Variants in CHD6 observed in about 807,000 individuals in gnomAD.
The protein encoded by CHD6 is ATP-dependent chromatin remodeler CHD6.
CHD6 carries 50 observed loss-of-function variants against 276.9 expected under a neutral mutation model. The ratio of observed to expected loss-of-function variants is 0.18; its 90% CI spans 0.14 to 0.23. CHD6 has a LOEUF of 0.23. CHD6 is among the 10% of genes least tolerant of loss of function. The pLI is 1.00. For missense variants in CHD6, 2,564 were observed against 3,365.8 expected (o/e 0.76, Z 5.89); for synonymous variants, 1,173 against 1,229.3 (o/e 0.95, Z 0.96).
In CHD6 at chr20:41,491,849, T is replaced by TA. The variant is rs922072190; in HGVS notation, c.1315-31dup. ...GGAGGAAAGCAAACAGCATAATAGA[T>TA]AGAGAATGATGTTTTAGGAGCATAA... On this transcript the variant is annotated intron_variant, in intron 10 of 36. Transcript: ENST00000373233. 3.7e-6 allele frequency: 6 copies of TA among 1,612,004 alleles called. No homozygotes were observed. The African/African-American group carries it at 6.7e-5, about 18-fold the overall frequency.
At chr20:41,564,258 C>T (rs895421000) in intron 1 of CHD6, 1 of 577,188 alleles carries the variant, frequency 1.7e-6, no homozygotes, top group Non-Finnish European at 3.1e-6. Flanking sequence ...ATTTTCTCTT[C>T]CCGTTTTCCA....
chr20:41,492,812 TCAGGAGTCCAAGG>T (rs1256258867), intron 10 of CHD6, among the ~76,000 whole-genome samples: 1 of 152,216 alleles, frequency 6.6e-6, no homozygotes, highest in Non-Finnish European at 1.5e-5. Flanking sequence ...TCCTAGCTAC[TCAGGAGTCCAAGG>T]CAGGAGAATT....
intron 1 of CHD6, among the ~76,000 whole-genome samples, chr20:41,559,939 A>T (rs2045284123): frequency 6.6e-6 from 1 of 152,068 alleles, no homozygotes; most frequent in South Asian, 2.1e-4. Flanking sequence ...ATCAGAGGTT[A>T]ATGTCCTGCA....
intron 25 of CHD6, among the ~76,000 whole-genome samples, chr20:41,444,284 C>G (rs1400407269): frequency 6.6e-6 from 1 of 152,162 alleles, no homozygotes. Context: ...AACAGAGGAG[C>G]CACTAGCTAC....
Position 41,445,666 on chromosome 20 carries a change from A to G in CHD6, c.3876T>C (p.His1292=). ...DKSLLIGVFK[H]GYERYNAMRA... ...GAACGCCTTCAGAGAAATACACACC[A>G]TGCTTGAACACGCCAATGAGAAGTG... The change falls in exon 25 of 37, where the codon CAT becomes CAC. Residue 1292 remains histidine, a splice_region_variant and synonymous_variant. Transcript: ENST00000373233. 2.5e-6 allele frequency: 4 copies of G among 1,608,328 alleles called. No homozygotes were observed. Among genetic ancestry groups the G allele is most frequent in the East Asian group, 2.2e-5 (1 of 44,824 alleles).
chr20:41,537,750 C>T (rs2044863699), intron 2 of CHD6, among the ~76,000 whole-genome samples: 1 of 152,068 alleles, frequency 6.6e-6, no homozygotes, highest in African/African-American at 2.4e-5. Context: ...GGCAAGGATA[C>T]AGAGGAATTG....
At chr20:41,550,893 C>G (rs2045135765) in intron 2 of CHD6, among the ~76,000 whole-genome samples, 2 of 152,132 alleles carry the variant, frequency 1.3e-5, no homozygotes, top group Non-Finnish European at 2.9e-5. Flanking sequence ...CTAGGGGGAA[C>G]CCATCCACAG....
chr20:41,416,602 C>A lies in CHD6; in HGVS notation c.6472G>T (p.Ala2158Ser). 6.2e-7 allele frequency: 1 copy of A among 1,611,730 alleles called. No individual in the cohort carries two copies. Residue 2158 changes from alanine to serine, a missense_variant, in exon 33 of 37, where the codon GCC (alanine) becomes TCC (serine). Transcript: ENST00000373233. ...TGCCGGCTCACCTTGTGGATCTGGG[C>A]CGCCAATGCTGCGCCGTTGCTGAAG... is the stretch of plus-strand genomic sequence containing the variant. ...HSFSNGAALA[A>S]QIHKESFLAP...
At chr20:41,582,880 C>T (rs1249640739) in intron 1 of CHD6, among the ~76,000 whole-genome samples, 1 of 152,088 alleles carries the variant, frequency 6.6e-6, no homozygotes, top group African/African-American at 2.4e-5. Flanking sequence ...ACACTCTACA[C>T]AGTCAAGGAA....
intron 30 of CHD6, among the ~76,000 whole-genome samples, chr20:41,422,474 C>A (rs148112567): frequency 3.3e-5 from 5 of 151,910 alleles, no homozygotes; most frequent in South Asian, 4.2e-4. Context: ...CCCCACCCCC[C>A]ATGTCTACAA....
intron 11 of CHD6, 78 bp downstream of exon 11, chr20:41,491,620 C>CTGCG: frequency 6.4e-7 from 1 of 1,562,290 alleles, no homozygotes; most frequent in Admixed American, 1.7e-5. Context: ...CAGTCTGCTA[C>CTGCG]TGCGACTCTA....
intron 3 of CHD6, 145 bp downstream of exon 3, chr20:41,532,905 G>C: frequency 2.3e-6 from 2 of 887,286 alleles, no homozygotes; most frequent in Non-Finnish European, 3.2e-6. Context: ...GGTTACCCCT[G>C]CTCCCCATCC....
intron 7 of CHD6, 31 bp downstream of exon 7, chr20:41,498,137 C>T (rs1272788737): frequency 6.6e-7 from 1 of 1,520,494 alleles, no homozygotes; most frequent in Non-Finnish European, 9.1e-7. Flanking sequence ...ATATAAAACC[C>T]AAATACAGAG....
In CHD6 at chr20:41,488,495, A is replaced by G. The variant is rs1281089491; in HGVS notation, c.1790T>C (p.Ile597Thr). 6.2e-7 allele frequency: 1 copy of G among 1,613,842 alleles called. No individual in the cohort carries two copies. The highest frequency in any genetic ancestry group is 8.5e-7 in the Non-Finnish European group (1 of 1,179,884). ...LKKIHWSCVI[I>T]DEAHRLKNRN... ...ATTCTTCAGTCTGTGGGCTTCATCA[A>G]TTATCACACAGCTCCAGTGAATCTT... Residue 597 changes from isoleucine to threonine, a missense_variant, in exon 13 of 37, where the codon ATT becomes ACT. Transcript: ENST00000373233.
intron 1 of CHD6, among the ~76,000 whole-genome samples, chr20:41,584,693 A>G (rs558399517): frequency 2.6e-5 from 4 of 152,306 alleles, no homozygotes; most frequent in African/African-American, 7.2e-5. Flanking sequence ...AAAATAAAAC[A>G]CATTTCTAGA....
At chr20:41,550,052 C>T (rs1283187898) in intron 2 of CHD6, among the ~76,000 whole-genome samples, 1 of 152,168 alleles carries the variant, frequency 6.6e-6, no homozygotes. Flanking sequence ...CTGACTGCCT[C>T]GGCCTCCAAA....
chr20:41,610,805 T>C (rs985278981), intron 1 of CHD6, among the ~76,000 whole-genome samples: 2 of 150,614 alleles, frequency 1.3e-5, no homozygotes, highest in African/African-American at 5.0e-5. Context: ...ATAAAGTTAA[T>C]TGATAGATAA....
intron 1 of CHD6, among the ~76,000 whole-genome samples, chr20:41,612,325 C>A (rs998913526): frequency 7.9e-5 from 12 of 152,078 alleles, no homozygotes; most frequent in Admixed American, 2.0e-4. Context: ...CATTAATGAC[C>A]TCTTTCATAT....
Position 41,447,464 on chromosome 20 carries a change from C to T in CHD6, c.3773+418G>A, listed in dbSNP as rs117230393. ...CTAACATGCAACAAAATGAATAGGC[C>T]GCACATATTATTAATATGATTAGCA... On this transcript the variant is annotated intron_variant, in intron 24 of 36. Coordinates refer to ENST00000373233, the MANE Select transcript of CHD6 (RefSeq NM_032221.5). 6.0e-3 allele frequency among the ~76,000 whole-genome samples: 919 copies of T among 152,072 alleles called. 6 individuals carry two copies. The highest frequency in any genetic ancestry group is 0.014 in the Middle Eastern group (4 of 294).
Sources: gnomAD v4.1 joint callset for allele counts (sites outside exome capture counted in the v4.1 genomes callset) on GRCh38, gnomAD v4.1.1 for gene constraint, MANE v1.5 for transcripts, NCBI Gene and HGNC (gene_info 2026-07-23, HGNC 2026-07-21) for gene names.